The following EBF2 variants were observed in gnomAD, a reference collection of about 807,000 sequenced individuals.
EBF2 encodes EBF transcription factor 2, also known as transcription factor COE2.
A neutral mutation model predicts 72.8 loss-of-function variants in EBF2; 21 were observed. The ratio of observed to expected loss-of-function variants is 0.29; its 90% CI spans 0.20 to 0.42. The LOEUF (loss-of-function observed/expected upper bound fraction) is 0.42, where lower values mean the gene tolerates loss of function less well. Ranked by LOEUF, EBF2 falls within the 10% of genes least tolerant of loss-of-function variation. The pLI is 1.00. For synonymous variants in EBF2, 299 were observed against 274.2 expected, an observed-to-expected ratio of 1.09 and a Z score of -0.89; for missense variants, 637 against 731.2, an observed-to-expected ratio of 0.87 and a Z score of 1.49.
At chr8:26,008,718 G>C (rs1044967405) in intron 6 of EBF2, among the ~76,000 whole-genome samples, 1 of 129,790 alleles carries the variant, frequency 7.7e-6, no homozygotes, top group South Asian at 2.8e-4. Flanking sequence ...TTATATCCCA[G>C]GCCTTTGTTT....
chr8:26,043,092 C>T (rs1188328544), intron 1 of EBF2, among the ~76,000 whole-genome samples: 1 of 152,248 alleles, frequency 6.6e-6, no homozygotes, highest in African/African-American at 2.4e-5. Context: ...CCAGCCGAAC[C>T]CAGTGACTGT....
At chr8:25,928,782 G>GAAAAAAAAA (rs71551838) in intron 6 of EBF2, among the ~76,000 whole-genome samples, 1 of 110,368 alleles carries the variant, frequency 9.1e-6, no homozygotes, top group African/African-American at 3.7e-5. Flanking sequence ...ATTTTTAAAT[G>GAAAAAAAAA]AAAAAAAAAA....
intron 3 of EBF2, 124 bp from the exon 4 acceptor site, chr8:26,040,795 G>T: frequency 1.4e-6 from 2 of 1,474,214 alleles, no homozygotes; most frequent in Non-Finnish European, 1.8e-6. Context: ...TGGAGACGGT[G>T]ACCTCCCAAT....
chr8:25,886,621 T>C, intron 10 of EBF2, 134 bp downstream of exon 10: 18 of 1,069,530 alleles, frequency 1.7e-5, no homozygotes, highest in Non-Finnish European at 2.4e-5. Flanking sequence ...ATTCAACATC[T>C]ATCACTCAGC....
chr8:25,845,043 G>A (rs944337187), intron 15 of EBF2, among the ~76,000 whole-genome samples: 3 of 152,106 alleles, frequency 2.0e-5, no homozygotes, highest in Non-Finnish European at 4.4e-5. Context: ...GGAAATTCCA[G>A]GTGCTGAGCC....
At chr8:25,987,112 A>G (rs1288552419) in intron 6 of EBF2, among the ~76,000 whole-genome samples, 1 of 152,260 alleles carries the variant, frequency 6.6e-6, no homozygotes, top group East Asian at 1.9e-4. Flanking sequence ...AAGGCTAAAG[A>G]AGCAGAGGTG....
chr8:25,858,651 C>CT (rs34189731), intron 13 of EBF2, 147 bp from the exon 14 acceptor site: 2,793 of 136,356 alleles, frequency 0.02, 74 homozygotes, highest in East Asian at 0.03. Flanking sequence ...CCATCTTTAG[C>CT]TTTTTTTTTT....
Position 25,886,891 on chromosome 8 carries a change from G to T in EBF2, c.883-10C>A. 6.2e-7 allele frequency: 1 copy of T among 1,610,316 alleles called. No individual in the cohort carries two copies. Among genetic ancestry groups the T allele is most frequent in the Non-Finnish European group, 8.5e-7 (1 of 1,178,302 alleles). On this transcript the variant is annotated splice_polypyrimidine_tract_variant and intron_variant, in intron 9 of 15. Transcript: ENST00000520164. ...CATGAGGGGTTATTAGCTGAGGAATGAACAGGCAGGGAAATAAAATACCCA... is the reference window on the plus strand; with the variant it reads ...CATGAGGGGTTATTAGCTGAGGAATTAACAGGCAGGGAAATAAAATACCCA...
intron 5 of EBF2, among the ~76,000 whole-genome samples, chr8:26,035,772 T>C (rs1805490985): frequency 6.6e-6 from 1 of 152,212 alleles, no homozygotes; most frequent in African/African-American, 2.4e-5. Context: ...TTTGAAATTA[T>C]ATTAGGTCTT....
At chr8:26,001,092 G>A (rs780226919) in intron 6 of EBF2, among the ~76,000 whole-genome samples, 19 of 152,198 alleles carry the variant, frequency 1.2e-4, no homozygotes, top group Non-Finnish European at 4.4e-5. Context: ...CTAAAAAGAT[G>A]TGCTAAAATG....
chr8:25,907,491 AC>A (rs963062964), intron 7 of EBF2, among the ~76,000 whole-genome samples: 3 of 149,864 alleles, frequency 2.0e-5, no homozygotes, highest in African/African-American at 7.3e-5. Context: ...CAAAAGATAA[AC>A]CTAGCAGCTG....
intron 5 of EBF2, among the ~76,000 whole-genome samples, chr8:26,033,953 T>A (rs1805451196): frequency 6.6e-6 from 1 of 152,228 alleles, no homozygotes; most frequent in Non-Finnish European, 1.5e-5. Context: ...GAGTCATATT[T>A]GTAATCGGAA....
In EBF2 at chr8:25,854,813, A is replaced by G. The variant is rs142148094; in HGVS notation, c.1528+3506T>C. Among the ~76,000 whole-genome samples, 46 of 152,292 alleles carry G rather than the reference A, an allele frequency of 3.0e-4. No homozygotes were observed. In the East Asian group the frequency reaches 8.9e-3, roughly 29 times the overall value. On this transcript the variant is annotated intron_variant, in intron 14 of 15. Transcript: ENST00000520164. ...ATTTTACAATAGAGAATGTCTTAGT[A>G]TTTATTTTTGAAACTATAAAACAAT...
chr8:25,895,117 TTTTCA>T (rs1374373045), intron 7 of EBF2, among the ~76,000 whole-genome samples: 1 of 152,152 alleles, frequency 6.6e-6, no homozygotes, highest in African/African-American at 2.4e-5. Flanking sequence ...CTGGTGACAG[TTTTCA>T]TTTATTTCTT....
chr8:25,846,688 C>G (rs1183079160), intron 15 of EBF2, among the ~76,000 whole-genome samples: 1 of 152,104 alleles, frequency 6.6e-6, no homozygotes, highest in East Asian at 1.9e-4. Flanking sequence ...GACCCTGTCT[C>G]AAAAAGAAAA....
chr8:25,895,631 C>T (rs1802853539), intron 7 of EBF2, among the ~76,000 whole-genome samples: 1 of 152,126 alleles, frequency 6.6e-6, no homozygotes, highest in South Asian at 2.1e-4. Flanking sequence ...CTTTTCATTC[C>T]CCAAAAGTTC....
rs115281061 is a variant in EBF2 at position 25,895,339 on chromosome 8, C to T, written c.634-5470G>A. Among the ~76,000 whole-genome samples the T allele has an allele frequency of 1.9e-3, 296 of 152,280 alleles. 2 individuals are homozygous for T. The highest frequency in any genetic ancestry group is 6.7e-3 in the African/African-American group (280 of 41,554). On this transcript the variant is annotated intron_variant, in intron 7 of 15. Coordinates refer to ENST00000520164, the MANE Select transcript of EBF2 (RefSeq NM_022659.4). ...TTTTTTTCTAAATAAAAGTGGTTTT[C>T]GCCTTCTGCCATTCCCTATTTTGCT... is the stretch of plus-strand genomic sequence containing the variant.
At chr8:25,986,000 T>TCAAAAAAAAAA (rs1804446160) in intron 6 of EBF2, among the ~76,000 whole-genome samples, 1 of 2,520 alleles carries the variant, frequency 4.0e-4, no homozygotes, top group Non-Finnish European at 7.2e-4. Context: ...AAACTCTGTC[T>TCAAAAAAAAAA]CAAAAAAAAA....
chr8:25,953,885 C>T (rs529615607), intron 6 of EBF2, among the ~76,000 whole-genome samples: 79 of 152,284 alleles, frequency 5.2e-4, no homozygotes, highest in African/African-American at 1.8e-3. Flanking sequence ...GTTCTCCCTT[C>T]GGCTGCTAGG....
Sources: gnomAD v4.1 joint callset for allele counts (sites outside exome capture counted in the v4.1 genomes callset) on GRCh38, gnomAD v4.1.1 for gene constraint, MANE v1.5 for transcripts, NCBI Gene and HGNC (gene_info 2026-07-23, HGNC 2026-07-21) for gene names.